The following PDZD2 variants were observed in gnomAD, a reference collection of about 807,000 sequenced individuals.
The protein encoded by PDZD2 is PDZ domain containing 2.
PDZD2 carries 90 observed loss-of-function variants against 220.7 expected under a neutral mutation model. The ratio of observed to expected loss-of-function variants is 0.41; its 90% CI spans 0.34 to 0.49. The LOEUF (loss-of-function observed/expected upper bound fraction) is 0.49, where lower values mean the gene tolerates loss of function less well. Among genes scored for constraint, PDZD2 ranks in the 20% least tolerant of loss-of-function variants. The probability of loss-of-function intolerance (pLI) is 0.28; values close to 1 mark genes in which losing one functional copy is unlikely to be tolerated. For synonymous variants in PDZD2, 1,375 were observed against 1,450.5 expected (o/e 0.95, Z 1.18); for missense variants, 3,174 against 3,608.5 (o/e 0.88, Z 3.08).
At chr5:31,968,716 C>T (rs1356071117) in intron 2 of PDZD2, among the ~76,000 whole-genome samples, 2 of 152,072 alleles carry the variant, frequency 1.3e-5, no homozygotes, top group East Asian at 3.9e-4. Flanking sequence ...TTACTTCATC[C>T]ACCATATGAA....
chr5:32,052,352 G>T (rs1738647457), intron 8 of PDZD2: 1 of 345,502 alleles, frequency 2.9e-6, no homozygotes, highest in East Asian at 6.2e-5. Context: ...CACCACGTTG[G>T]CTAGGCTGGT....
At chr5:31,862,678 A>G (rs1359300063) in intron 2 of PDZD2, among the ~76,000 whole-genome samples, 1 of 150,870 alleles carries the variant, frequency 6.6e-6, no homozygotes, top group Non-Finnish European at 1.5e-5. Context: ...CTCCTACCTC[A>G]GCCTCCATAG....
intron 1 of PDZD2, among the ~76,000 whole-genome samples, chr5:31,777,780 T>C (rs975053131): frequency 6.6e-6 from 1 of 152,206 alleles, no homozygotes; most frequent in Non-Finnish European, 1.5e-5. Context: ...TGTGTCTAGC[T>C]TGGGGTTGGT....
chr5:31,737,419 G>A (rs747723606), intron 1 of PDZD2, among the ~76,000 whole-genome samples: 17 of 152,010 alleles, frequency 1.1e-4, no homozygotes, highest in East Asian at 7.8e-4. Context: ...TGATCCGCCC[G>A]CCTTGGCCTC....
chr5:31,925,094 A>G (rs550776500), intron 2 of PDZD2, among the ~76,000 whole-genome samples: 3 of 152,364 alleles, frequency 2.0e-5, no homozygotes, highest in South Asian at 2.1e-4. Context: ...ATGTCCTGCA[A>G]TGACCGGCAG....
chr5:31,675,116 G>A (rs1746356677), intron 1 of PDZD2, among the ~76,000 whole-genome samples: 1 of 151,978 alleles, frequency 6.6e-6, no homozygotes, highest in African/African-American at 2.4e-5. Flanking sequence ...CTCAGATCCT[G>A]TCTCCTATCA....
chr5:32,091,278 A>AATTT, intron 20 of PDZD2, 103 bp downstream of exon 20: 2 of 539,592 alleles, frequency 3.7e-6, no homozygotes, highest in Non-Finnish European at 5.6e-6. Context: ...GTTCCCACTT[A>AATTT]CTTTTTTTTT....
intron 2 of PDZD2, among the ~76,000 whole-genome samples, chr5:31,912,437 T>C (rs948368742): frequency 1.3e-5 from 2 of 152,094 alleles, no homozygotes; most frequent in Non-Finnish European, 2.9e-5. Flanking sequence ...TATGCTAAAA[T>C]CCTAACCCCC....
intron 2 of PDZD2, among the ~76,000 whole-genome samples, chr5:31,881,374 A>ATT (rs397884700): frequency 6.0e-5 from 6 of 100,262 alleles, no homozygotes; most frequent in Admixed American, 1.9e-4. Context: ...GTGTGTATAT[A>ATT]TTTTTTTTTT....
chr5:31,963,644 C>T (rs949900827), intron 2 of PDZD2, among the ~76,000 whole-genome samples: 1 of 152,208 alleles, frequency 6.6e-6, no homozygotes, highest in African/African-American at 2.4e-5. Flanking sequence ...CTGGGATCAT[C>T]CTCGGAGTTC....
intron 7 of PDZD2, among the ~76,000 whole-genome samples, chr5:32,044,296 T>A (rs1462718525): frequency 1.3e-5 from 2 of 152,126 alleles, no homozygotes; most frequent in African/African-American, 4.8e-5. Context: ...GCCACTGCAC[T>A]GCAGCCCGGG....
chr5:32,042,653 C>T (rs1273865025), intron 7 of PDZD2, among the ~76,000 whole-genome samples: 4 of 152,160 alleles, frequency 2.6e-5, no homozygotes, highest in African/African-American at 9.7e-5. Flanking sequence ...GGCGGTGTTA[C>T]GCTTGAACGA....
chr5:31,998,718 A>G (rs1751850331), intron 4 of PDZD2, among the ~76,000 whole-genome samples: 4 of 152,228 alleles, frequency 2.6e-5, no homozygotes, highest in Admixed American at 2.6e-4. Flanking sequence ...ATTAACACTA[A>G]CGATAGCTGA....
At chr5:31,830,674 T>A (rs1487698867) in intron 2 of PDZD2, among the ~76,000 whole-genome samples, 1 of 152,100 alleles carries the variant, frequency 6.6e-6, no homozygotes, top group Non-Finnish European at 1.5e-5. Flanking sequence ...TATCCCTTTT[T>A]CCCAGACTTG....
rs144176764 is a variant in PDZD2 at position 32,090,398 on chromosome 5, G to A, written c.6950G>A (p.Arg2317Gln). 18 of 1,613,994 alleles carry A rather than the reference G, an allele frequency of 1.1e-5. No individual in the cohort carries two copies. Among genetic ancestry groups the A allele is most frequent in the African/African-American group, 8.0e-5 (6 of 74,922 alleles). Residue 2317 changes from arginine to glutamine, a missense_variant, in exon 20 of 25, where the codon CGA (arginine) becomes CAA (glutamine). Arg to Gln is a conservative substitution (Grantham distance 43). Coordinates refer to ENST00000438447, the MANE Select transcript of PDZD2 (RefSeq NM_178140.4). This position sits in a 1 kb window ranked among gnomAD's most constrained non-coding sequence, Gnocchi z 4.3. ...LVTDKIKVTR[R>Q]HYCYEQNWPH... ...ACAGACAAAATCAAAGTCACCAGAC[G>A]ACACTACTGCTATGAGCAGAACTGG...
At chr5:31,793,129 G>T (rs1285210512) in intron 1 of PDZD2, among the ~76,000 whole-genome samples, 1 of 151,948 alleles carries the variant, frequency 6.6e-6, no homozygotes, top group Non-Finnish European at 1.5e-5. Flanking sequence ...TGAGCCACTG[G>T]GGCCCGGCCA....
chr5:32,100,912 A>G (rs1744195449), intron 23 of PDZD2, 193 bp from the exon 24 acceptor site: 1 of 1,593,144 alleles, frequency 6.3e-7, no homozygotes, highest in Non-Finnish European at 8.5e-7. Context: ...CCAGGAGGGC[A>G]GCCCCAGAAT....
chr5:31,777,623 A>G (rs1752774688), intron 1 of PDZD2, among the ~76,000 whole-genome samples: 1 of 151,340 alleles, frequency 6.6e-6, no homozygotes, highest in East Asian at 1.9e-4. Flanking sequence ...GCCTAGCCAG[A>G]GGATTGTATA....
chr5:31,980,867 T>G (rs779290516), intron 2 of PDZD2, among the ~76,000 whole-genome samples: 11 of 152,192 alleles, frequency 7.2e-5, no homozygotes, highest in Admixed American at 2.6e-4. Flanking sequence ...CACTGCAACC[T>G]CTGCCTTTCG....
Sources: gnomAD v4.1 joint callset for allele counts (sites outside exome capture counted in the v4.1 genomes callset) on GRCh38, gnomAD v4.1.1 for gene constraint, Gnocchi (gnomAD v3.1) non-coding constraint, MANE v1.5 for transcripts, NCBI Gene and HGNC (gene_info 2026-07-23, HGNC 2026-07-21) for gene names.